CLSTN1: variants seen among roughly 807,000 people sequenced by gnomAD.
The protein encoded by CLSTN1 is calsyntenin 1.
Under a neutral mutation model 108.3 loss-of-function variants are expected in CLSTN1, and 28 were observed. That is an observed-to-expected ratio of 0.26 (90% CI 0.19 to 0.35). The LOEUF (loss-of-function observed/expected upper bound fraction) is 0.35, where lower values mean the gene tolerates loss of function less well. Ranked by LOEUF, CLSTN1 falls within the 10% of genes least tolerant of loss-of-function variation. The pLI is 1.00. For missense variants in CLSTN1, 1,157 were observed against 1,302.6 expected, an observed-to-expected ratio of 0.89 and a Z score of 1.72; for synonymous variants, 524 against 534.9, an observed-to-expected ratio of 0.98 and a Z score of 0.28.
In CLSTN1 at chr1:9,780,661, T is replaced by C. The variant is rs74694599; in HGVS notation, c.92-7267A>G. On this transcript the variant is annotated intron_variant, in intron 1 of 18. Transcript: ENST00000377298. Reference sequence around the variant, plus strand: ...CACATTCAATTTGCATCATAAAACATTTACAGAAACAAGTGACCGATGTTT... The same window carrying C: ...CACATTCAATTTGCATCATAAAACACTTACAGAAACAAGTGACCGATGTTT... 4.3e-3 allele frequency among the ~76,000 whole-genome samples: 659 copies of C among 152,320 alleles called. 11 individuals carry two copies. The highest frequency in any genetic ancestry group is 0.042 in the East Asian group (220 of 5,186).
intron 9 of CLSTN1, among the ~76,000 whole-genome samples, chr1:9,743,482 T>C (rs944930164): frequency 1.3e-5 from 2 of 152,186 alleles, no homozygotes; most frequent in African/African-American, 2.4e-5. Context: ...AAATATACAC[T>C]GACTATACAC....
intron 1 of CLSTN1, among the ~76,000 whole-genome samples, chr1:9,796,916 G>A (rs1022527381): frequency 6.6e-6 from 1 of 152,184 alleles, no homozygotes; most frequent in Non-Finnish European, 1.5e-5. Flanking sequence ...TGACGGAGCA[G>A]AGTGGAGAGT....
chr1:9,795,242 T>G (rs1488442451), intron 1 of CLSTN1, among the ~76,000 whole-genome samples: 2 of 150,758 alleles, frequency 1.3e-5, no homozygotes, highest in African/African-American at 4.8e-5. Flanking sequence ...CTCGGCTCAC[T>G]GCAACCTCTG....
rs543109521 is a variant in CLSTN1 at position 9,763,787 on chromosome 1, C to G, written c.215-7277G>C. 2.6e-5 allele frequency among the ~76,000 whole-genome samples: 4 copies of G among 152,258 alleles called. No homozygotes were observed. The East Asian group carries it at 5.8e-4, about 22-fold the overall frequency. ...ACCTGGTCACCTACCCTGGGAGGCC[C>G]TTCCAGTTCCCACCTCTGCTCCCAC... On this transcript the variant is annotated intron_variant, in intron 2 of 18. Coordinates refer to ENST00000377298, the MANE Select transcript of CLSTN1 (RefSeq NM_001009566.3).
At position 9,729,045 on chromosome 1, in the gene CLSTN1, T is replaced by C. The variant is rs1650154620; in HGVS notation, c.*1463A>G. ...CTGGAGTTAGTTAGAACCAGAACTT[T>C]ATTGTAGCGGATACACTTTCTGACC... On this transcript the variant is annotated 3_prime_UTR_variant, in exon 19 of 19. Coordinates refer to ENST00000377298, the MANE Select transcript of CLSTN1 (RefSeq NM_001009566.3). The C allele has an allele frequency of 6.6e-6, 1 of 152,212 alleles. No individual in the cohort carries two copies. Among genetic ancestry groups the C allele is most frequent in the Non-Finnish European group, 1.5e-5 (1 of 68,044 alleles). The allele number at this position is 152,212 out of a possible 1,614,324, so 9.4% of individuals were successfully genotyped here.
At chr1:9,774,328 G>A (rs1652833739) in intron 1 of CLSTN1, among the ~76,000 whole-genome samples, 1 of 152,096 alleles carries the variant, frequency 6.6e-6, no homozygotes, top group Non-Finnish European at 1.5e-5. Context: ...CACTTTGGGA[G>A]GCTGACGAGG....
intron 3 of CLSTN1, 114 bp downstream of exon 3, chr1:9,756,367 A>G: frequency 1.2e-6 from 1 of 801,400 alleles, no homozygotes. Flanking sequence ...GTAGGAGAAT[A>G]AATAAGGATA....
In CLSTN1 at chr1:9,730,711, AAGG is replaced by A. The variant is rs1300180211; in HGVS notation, c.2749-9_2749-7del. The A allele has an allele frequency of 1.8e-5, 29 of 1,594,298 alleles. No homozygotes were observed. Among genetic ancestry groups the A allele is most frequent in the South Asian group, 3.4e-5 (3 of 89,408 alleles). On this transcript the variant is annotated splice_region_variant and splice_polypyrimidine_tract_variant and intron_variant, in intron 18 of 18. Transcript: ENST00000377298. This position sits in a 1 kb window ranked among gnomAD's most constrained non-coding sequence, Gnocchi z 5.6. ...CTGTGCTGGTCCTCATAGGTCTGGC[AAGG>A]AGAAGTGACGGCCACATGAGTCCGG...
At chr1:9,737,417 C>T (rs894984110) in intron 11 of CLSTN1, 81 bp downstream of exon 11, 29 of 1,283,450 alleles carry the variant, frequency 2.3e-5, no homozygotes, top group Admixed American at 1.0e-4. Context: ...GCAACTGGGG[C>T]GTTTCATGCG....
rs372478812 is a variant in CLSTN1, at chr1:9,756,551, A to G, written c.215-41T>C. 16 of 1,570,868 alleles carry G rather than the reference A, an allele frequency of 1.0e-5. No individual in the cohort carries two copies. In the African/African-American group the frequency reaches 2.2e-4, roughly 21 times the overall value. On this transcript the variant is annotated intron_variant, in intron 2 of 18. Transcript: ENST00000377298. The stretch of plus-strand genomic sequence containing the variant: ...ATAAGCCCATGTCAGTAATACAGGA[A>G]AGAATGAAGATGGAATACACTAAGG...
In CLSTN1 at chr1:9,731,837, T is replaced by C. The variant is rs1650415520; in HGVS notation, c.2487A>G (p.Pro829=). Reference sequence around the variant, plus strand: ...AGCGGTGTTCCGGGTGCACGAACTGTGGCTGGGCAGCCATGTGGTTGGCGT... The same window carrying C: ...AGCGGTGTTCCGGGTGCACGAACTGCGGCTGGGCAGCCATGTGGTTGGCGT... ...MEHANHMAAQ[P]QFVHPEHRSF... Residue 829 remains proline (P), a synonymous_variant, in exon 17 of 19, where the codon CCA becomes CCG. Coordinates refer to ENST00000377298, the MANE Select transcript of CLSTN1 (RefSeq NM_001009566.3). 18 of 1,614,014 alleles carry C rather than the reference T, an allele frequency of 1.1e-5. No homozygotes were observed. The highest frequency in any genetic ancestry group is 1.4e-5 in the Non-Finnish European group (17 of 1,180,028).
intron 2 of CLSTN1, among the ~76,000 whole-genome samples, chr1:9,765,371 C>T (rs1377555596): frequency 1.3e-5 from 2 of 151,454 alleles, no homozygotes; most frequent in Non-Finnish European, 2.9e-5. Context: ...GCGACAAGAG[C>T]GAGACTCCAT....
chr1:9,760,824 C>T (rs139464276), intron 2 of CLSTN1, among the ~76,000 whole-genome samples: 14 of 151,790 alleles, frequency 9.2e-5, no homozygotes, highest in Non-Finnish European at 1.6e-4. Context: ...CCACCACGCC[C>T]GCCCCAGTTC....
chr1:9,743,726 T>TC (rs1295212475), intron 9 of CLSTN1, among the ~76,000 whole-genome samples, 158 bp downstream of exon 9: 1 of 147,754 alleles, frequency 6.8e-6, no homozygotes, highest in Non-Finnish European at 1.5e-5. Flanking sequence ...TTTCGTGGGT[T>TC]TTTTTTTTTT....
At chr1:9,814,492 AT>A (rs1411615785) in intron 1 of CLSTN1, among the ~76,000 whole-genome samples, 1 of 152,268 alleles carries the variant, frequency 6.6e-6, no homozygotes, top group Non-Finnish European at 1.5e-5. Flanking sequence ...ATTTCTAAGC[AT>A]TTTATATGTT....
At chr1:9,735,678 C>T in intron 12 of CLSTN1, 63 bp from the exon 13 acceptor site, 1 of 1,599,156 alleles carries the variant, frequency 6.3e-7, no homozygotes, top group Non-Finnish European at 8.6e-7. Context: ...GCTGAAACCA[C>T]AGATGCCTCC....
In CLSTN1 at chr1:9,741,275, G is replaced by A; in HGVS notation, c.1357-19C>T. 6.3e-7 allele frequency: 1 copy of A among 1,594,002 alleles called. No individual in the cohort carries two copies. Among genetic ancestry groups the A allele is most frequent in the South Asian group, 1.1e-5 (1 of 90,408 alleles). On this transcript the variant is annotated intron_variant, in intron 9 of 18. Transcript: ENST00000377298. ...CACAGACCTACAGAGGCAAAGGGAA[G>A]CGGGGAGGTGTGAGATGTCCACTTT...
intron 15 of CLSTN1, 118 bp from the exon 16 acceptor site, chr1:9,733,664 TCA>T: frequency 8.1e-7 from 1 of 1,229,422 alleles, no homozygotes; most frequent in Non-Finnish European, 1.2e-6. Context: ...GGCCAAGGGG[TCA>T]CACAAGTTGG....
chr1:9,762,107 G>A lies in CLSTN1; in HGVS notation c.215-5597C>T, dbSNP rs1324624736. On this transcript the variant is annotated intron_variant, in intron 2 of 18. Coordinates refer to ENST00000377298, the MANE Select transcript of CLSTN1 (RefSeq NM_001009566.3). ...CTGTTCACTTGGCTAGGGGAAGCTG[G>A]GTAACAGGTTGTAGATCCACTGATC... is the stretch of plus-strand genomic sequence containing the variant. 3.3e-5 allele frequency among the ~76,000 whole-genome samples: 5 copies of A among 152,108 alleles called. No homozygotes were observed. The South Asian group carries it at 1.0e-3, about 32-fold the overall frequency.
Sources: allele counts gnomAD v4.1 joint callset (sites outside exome capture counted in the v4.1 genomes callset), GRCh38; gene constraint gnomAD v4.1.1; non-coding constraint Gnocchi (gnomAD v3.1); transcripts MANE v1.5; gene names NCBI Gene and HGNC (gene_info 2026-07-23, HGNC 2026-07-21).